The following CWH43 variants were observed in gnomAD, a reference collection of about 807,000 sequenced individuals.
The protein encoded by CWH43 is cell wall biogenesis 43 C-terminal homolog.
Under a neutral mutation model 85.7 loss-of-function variants are expected in CWH43, and 91 were observed. That is an observed-to-expected ratio of 1.06 (90% confidence interval 0.90 to 1.26). The LOEUF (loss-of-function observed/expected upper bound fraction) is 1.26. Among genes scored for constraint, CWH43 ranks in the 50% most tolerant of loss-of-function variants. The probability of loss-of-function intolerance (pLI) is 0.00; values close to 1 mark genes in which losing one functional copy is unlikely to be tolerated. For missense variants in CWH43, 869 were observed against 839.2 expected (o/e 1.04, Z -0.44); for synonymous variants, 323 against 293.6 (o/e 1.10, Z -1.02).
At chr4:48,995,062 A>G (rs1782769388) in intron 5 of CWH43, among the ~76,000 whole-genome samples, 1 of 152,212 alleles carries the variant, frequency 6.6e-6, no homozygotes, top group African/African-American at 2.4e-5. Context: ...TGCACAGCTA[A>G]GTAAGAGGTT....
At chr4:48,993,049 C>T (rs1484811550) in intron 4 of CWH43, among the ~76,000 whole-genome samples, 1 of 152,174 alleles carries the variant, frequency 6.6e-6, no homozygotes, top group African/African-American at 2.4e-5. Flanking sequence ...CTTCAGGGTA[C>T]TGTTTACATC....
intron 13 of CWH43, among the ~76,000 whole-genome samples, chr4:49,039,160 G>A (rs1577698343): frequency 7.0e-6 from 1 of 142,498 alleles, no homozygotes; most frequent in African/African-American, 2.6e-5. Context: ...GCCACACAGA[G>A]AGAATGGCTA....
At chr4:49,012,209 T>G (rs537511618) in intron 8 of CWH43, among the ~76,000 whole-genome samples, 1 of 152,332 alleles carries the variant, frequency 6.6e-6, no homozygotes, top group African/African-American at 2.4e-5. Flanking sequence ...TCTTCTGACT[T>G]TATTTCATTA....
chr4:49,003,934 A>T lies in CWH43; in HGVS notation c.1002A>T (p.Thr334=), dbSNP rs1783074742. The T allele has an allele frequency of 6.2e-7, 1 of 1,613,656 alleles. No individual in the cohort carries two copies. Among genetic ancestry groups the T allele is most frequent in the Admixed American group, 1.7e-5 (1 of 59,926 alleles). The part of the protein sequence containing the change: ...LLEIFFCAWC[T]AFKFVPGGVY... ...AAATATTTTTCTGTGCCTGGTGCAC[A>T]GCTTTTAAGTTTGTCCCAGGAGGTG... is the stretch of plus-strand genomic sequence containing the variant. The change falls in exon 7 of 16, where the codon ACA becomes ACT. Residue 334 remains threonine (T), a synonymous_variant. Transcript: ENST00000226432.
At chr4:49,019,882 T>A (rs1057096959) in intron 9 of CWH43, among the ~76,000 whole-genome samples, 3 of 152,028 alleles carry the variant, frequency 2.0e-5, no homozygotes, top group Admixed American at 6.6e-5. Flanking sequence ...ACCTAGCCAT[T>A]GTCAATTGTT....
intron 12 of CWH43, among the ~76,000 whole-genome samples, chr4:49,034,287 A>T (rs936057754): frequency 1.3e-5 from 2 of 152,034 alleles, no homozygotes; most frequent in Non-Finnish European, 2.9e-5. Flanking sequence ...GTTTATCTTT[A>T]AAAAAAATAA....
rs1482410694 is a variant in CWH43 at position 49,038,147 on chromosome 4, TTATC to T, written c.1773_1776del (p.Leu592SerfsTer8). ...TCACTTCAGCACCTGGCTCCAGAGA[TTATC>T]TACAGCTCACTGAACATGGCAATGT... On this transcript the variant is annotated frameshift_variant, in exon 13 of 16. Coordinates refer to ENST00000226432, the MANE Select transcript of CWH43 (RefSeq NM_025087.3). LOFTEE classifies it high-confidence loss of function. The T allele has an allele frequency of 6.2e-7, 1 of 1,610,228 alleles. No homozygotes were observed.
chr4:49,047,670 G>T (rs1784668942), intron 14 of CWH43, among the ~76,000 whole-genome samples: 1 of 152,100 alleles, frequency 6.6e-6, no homozygotes, highest in East Asian at 1.9e-4. Context: ...TGGGGCTGGA[G>T]AGGGTTGGGG....
chr4:48,988,284 A>G (rs1782551867), intron 1 of CWH43, among the ~76,000 whole-genome samples, 193 bp from the exon 2 acceptor site: 1 of 152,126 alleles, frequency 6.6e-6, no homozygotes, highest in South Asian at 2.1e-4. Flanking sequence ...CAGTGCAGTG[A>G]GTTCTGCGGA....
chr4:49,056,456 T>A (rs1784966861), intron 15 of CWH43, among the ~76,000 whole-genome samples: 1 of 152,190 alleles, frequency 6.6e-6, no homozygotes, highest in African/African-American at 2.4e-5. Context: ...TTTTTTGGCA[T>A]ATTATTGCTC....
intron 10 of CWH43, among the ~76,000 whole-genome samples, chr4:49,029,128 C>T (rs1784011017): frequency 6.6e-6 from 1 of 152,180 alleles, no homozygotes; most frequent in Non-Finnish European, 1.5e-5. Context: ...AGAGATCAGA[C>T]TGTTACTGTG....
chr4:49,011,657 G>A (rs1418551961), intron 8 of CWH43, among the ~76,000 whole-genome samples: 1 of 152,166 alleles, frequency 6.6e-6, no homozygotes, highest in African/African-American at 2.4e-5. Context: ...TCCTTCAGGA[G>A]CTCTTTTAGG....
chr4:49,058,360 A>G (rs1265333003), intron 15 of CWH43, among the ~76,000 whole-genome samples: 1 of 152,184 alleles, frequency 6.6e-6, no homozygotes, highest in Non-Finnish European at 1.5e-5. Flanking sequence ...ACTGAGATTT[A>G]GCTTTTCCTC....
Position 49,017,290 on chromosome 4 carries a change from C to G in CWH43, c.1228C>G (p.Leu410Val). 1 of 1,612,356 alleles carries G rather than the reference C, an allele frequency of 6.2e-7. No individual in the cohort carries two copies. The highest frequency in any genetic ancestry group is 2.2e-5 in the East Asian group (1 of 44,850). Residue 410 changes from leucine to valine, a missense_variant, in exon 9 of 16, where the codon CTA (leucine) becomes GTA (valine). Leu to Val is a conservative substitution (Grantham distance 32). This residue lies in a region of CWH43 where 577 missense variants were observed against 513.1 expected (regional missense o/e 1.12). Transcript: ENST00000226432. Reference protein sequence around the residue: ...LVGVGLLGLGLRHKAYERKLG... With the variant: ...LVGVGLLGLGVRHKAYERKLG... ...TGGTGTGGGATTGTTGGGATTAGGA[C>G]TACGGCATAAAGCCTATGAGAGAAA... is the stretch of plus-strand genomic sequence containing the variant.
intron 13 of CWH43, among the ~76,000 whole-genome samples, chr4:49,039,262 C>A (rs1392976718): frequency 4.5e-5 from 5 of 111,460 alleles, no homozygotes; most frequent in Non-Finnish European, 8.8e-5. Flanking sequence ...AGAATATAAT[C>A]ATGTTCTGGG....
At chr4:49,027,815 A>ACCTC in intron 9 of CWH43, among the ~76,000 whole-genome samples, 1 of 151,904 alleles carries the variant, frequency 6.6e-6, no homozygotes, top group South Asian at 2.1e-4. Flanking sequence ...AACCATTGCC[A>ACCTC]CCTCCCTCCC....
At chr4:49,036,272 A>T (rs1349551293) in intron 12 of CWH43, among the ~76,000 whole-genome samples, 2 of 152,200 alleles carry the variant, frequency 1.3e-5, no homozygotes, top group Admixed American at 6.6e-5. Flanking sequence ...TGAAATCTGC[A>T]GGGGTCAGCC....
At chr4:48,988,453 C>G (rs1270049140) in intron 1 of CWH43, 24 bp from the exon 2 acceptor site, 1 of 1,485,990 alleles carries the variant, frequency 6.7e-7, no homozygotes, top group Non-Finnish European at 9.0e-7. Context: ...CACTTTCTCT[C>G]TTTAACTTTT....
chr4:48,987,469 T>A (rs1194492990), intron 1 of CWH43, among the ~76,000 whole-genome samples: 1 of 152,198 alleles, frequency 6.6e-6, no homozygotes, highest in East Asian at 1.9e-4. Flanking sequence ...TGCTTAGAGT[T>A]AGGGCAACTC....
Sources: gnomAD v4.1 joint callset for allele counts (sites outside exome capture counted in the v4.1 genomes callset) on GRCh38, gnomAD v4.1.1 for gene constraint, gnomAD v4.1.1 regional missense constraint, MANE v1.5 for transcripts, NCBI Gene and HGNC (gene_info 2026-07-23, HGNC 2026-07-21) for gene names.